The following ELAPOR2 variants were observed in gnomAD, a reference collection of about 807,000 sequenced individuals.
ELAPOR2 encodes the protein endosome/lysosome-associated apoptosis and autophagy regulator family member 2.
Under a neutral mutation model 120.7 loss-of-function variants are expected in ELAPOR2, and 89 were observed. That is an observed-to-expected ratio of 0.74 (90% CI 0.62 to 0.88). The LOEUF is 0.88. ELAPOR2 is among the 40% of genes least tolerant of loss of function. The probability of loss-of-function intolerance (pLI) is 0.00; values close to 1 mark genes in which losing one functional copy is unlikely to be tolerated. For synonymous variants in ELAPOR2, 444 were observed against 444.9 expected, an observed-to-expected ratio of 1.00 and a Z score of 0.03; for missense variants, 1,134 against 1,251.6, an observed-to-expected ratio of 0.91 and a Z score of 1.42.
chr7:86,936,577 T>C lies in ELAPOR2; in HGVS notation c.1089+1549A>G, dbSNP rs917953056. ...TTAAAAAAACACTGAGTTTATAAAG[T>C]ACTAGCACATTGTTTTCTTCTATAC... On this transcript the variant is annotated intron_variant, in intron 8 of 21. Transcript: ENST00000450689. Among the ~76,000 whole-genome samples, 15 of 152,238 alleles carry C rather than the reference T, an allele frequency of 9.9e-5. 1 individual carries two copies. The highest frequency in any genetic ancestry group is 3.6e-4 in the African/African-American group (15 of 41,566).
chr7:86,884,810 G>C (rs1434057061), intron 21 of ELAPOR2, among the ~76,000 whole-genome samples: 1 of 152,164 alleles, frequency 6.6e-6, no homozygotes, highest in Non-Finnish European at 1.5e-5. Flanking sequence ...TGTTTGGTAA[G>C]CAATTCAGAA....
intron 2 of ELAPOR2, among the ~76,000 whole-genome samples, chr7:86,950,372 C>T (rs893108223): frequency 2.0e-5 from 3 of 152,178 alleles, no homozygotes; most frequent in African/African-American, 4.8e-5. Flanking sequence ...TTGCAGGTGA[C>T]AAGAAGGAGA....
intron 16 of ELAPOR2, 23 bp from the exon 17 acceptor site, chr7:86,908,566 C>A (rs966893659): frequency 9.0e-7 from 1 of 1,112,274 alleles, no homozygotes; most frequent in African/African-American, 1.6e-5. Flanking sequence ...TAAAAAGAAA[C>A]TATTAAGCAA....
rs1333005614 is a variant in ELAPOR2 at position 86,876,952 on chromosome 7, T to C, written c.*3519A>G. On this transcript the variant is annotated 3_prime_UTR_variant, in exon 22 of 22. Coordinates refer to ENST00000450689, the MANE Select transcript of ELAPOR2 (RefSeq NM_001142749.3). ...TTTTATTGGAATGCAGCCACGCCCA[T>C]CCATTTACATTTTGTATGTGGTTGC... 6.6e-6 allele frequency: 1 copy of C among 152,172 alleles called. No individual in the cohort carries two copies. The highest frequency in any genetic ancestry group is 2.4e-5 in the African/African-American group (1 of 41,444). 9.4% of individuals were successfully genotyped at this position (152,172 alleles called of 1,614,324 possible).
At chr7:87,018,789 G>A (rs981633410) in intron 1 of ELAPOR2, among the ~76,000 whole-genome samples, 4 of 152,132 alleles carry the variant, frequency 2.6e-5, no homozygotes, top group South Asian at 2.1e-4. Context: ...CTGAGCTTAC[G>A]GTTCAAATTC....
At chr7:86,946,333 T>A (rs951329701) in intron 3 of ELAPOR2, among the ~76,000 whole-genome samples, 1 of 152,202 alleles carries the variant, frequency 6.6e-6, no homozygotes, top group African/African-American at 2.4e-5. Flanking sequence ...AAGCTCAGAC[T>A]TTTTAGAAAG....
In ELAPOR2 at chr7:86,913,256, A is replaced by G. The variant is rs1297001859; in HGVS notation, c.1732-52T>C. 7 of 1,570,464 alleles carry G rather than the reference A, an allele frequency of 4.5e-6. No homozygotes were observed. In the Admixed American group the frequency reaches 6.8e-5, roughly 15 times the overall value. On this transcript the variant is annotated intron_variant, in intron 13 of 21. Transcript: ENST00000450689. ...CTTCTGCCTTGGGGCTTAGTTGTAC[A>G]ACCAGATTATGTCTTCTGTTGACAT...
At position 86,880,541 on chromosome 7, in the gene ELAPOR2, A is replaced by G; in HGVS notation, c.3031-11T>C. 1 of 1,547,216 alleles carries G rather than the reference A, an allele frequency of 6.5e-7. No individual in the cohort carries two copies. Among genetic ancestry groups the G allele is most frequent in the Non-Finnish European group, 8.9e-7 (1 of 1,121,002 alleles). On this transcript the variant is annotated splice_polypyrimidine_tract_variant and intron_variant, in intron 21 of 21. Coordinates refer to ENST00000450689, the MANE Select transcript of ELAPOR2 (RefSeq NM_001142749.3). ...ATGGTCTTCTTTTTCCTAAGAAAAA[A>G]TATTAAAGACAAAATCAACTCACTG...
At chr7:86,992,577 G>T (rs1792979427) in intron 1 of ELAPOR2, among the ~76,000 whole-genome samples, 1 of 151,992 alleles carries the variant, frequency 6.6e-6, no homozygotes, top group African/African-American at 2.4e-5. Flanking sequence ...AAATAAAATG[G>T]ATATTTATCA....
At chr7:86,899,339 A>C (rs1191808666) in intron 18 of ELAPOR2, among the ~76,000 whole-genome samples, 1 of 152,112 alleles carries the variant, frequency 6.6e-6, no homozygotes, top group African/African-American at 2.4e-5. Context: ...GAGGAATTTA[A>C]ATTTGTCTAC....
chr7:86,981,683 T>G (rs965358614), intron 1 of ELAPOR2, among the ~76,000 whole-genome samples: 1 of 152,194 alleles, frequency 6.6e-6, no homozygotes, highest in African/African-American at 2.4e-5. Flanking sequence ...TCCCTTACTT[T>G]CTTCAGTTCC....
At chr7:87,018,427 C>T (rs1321031835) in intron 1 of ELAPOR2, among the ~76,000 whole-genome samples, 1 of 152,142 alleles carries the variant, frequency 6.6e-6, no homozygotes, top group Non-Finnish European at 1.5e-5. Flanking sequence ...ACTTATTTCC[C>T]TGACATGTAG....
At chr7:87,019,972 A>G (rs966604702) in intron 1 of ELAPOR2, among the ~76,000 whole-genome samples, 6 of 152,200 alleles carry the variant, frequency 3.9e-5, no homozygotes, top group African/African-American at 1.2e-4. Flanking sequence ...TTTTATACCA[A>G]TATAGCATAT....
intron 2 of ELAPOR2, among the ~76,000 whole-genome samples, chr7:86,954,915 TACTC>T (rs1294317279): frequency 4.6e-5 from 7 of 152,158 alleles, no homozygotes; most frequent in Non-Finnish European, 1.0e-4. Flanking sequence ...TTCTTACTAT[TACTC>T]ACTGCCATTA....
intron 21 of ELAPOR2, among the ~76,000 whole-genome samples, chr7:86,888,071 T>C (rs945236384): frequency 1.3e-5 from 2 of 151,972 alleles, no homozygotes; most frequent in Admixed American, 1.3e-4. Flanking sequence ...CAAATATAAT[T>C]CTGGTTTAAC....
Position 86,914,968 on chromosome 7 carries a change from T to C in ELAPOR2, c.1594-108A>G, listed in dbSNP as rs541718102. The C allele has an allele frequency of 5.5e-6, 5 of 903,782 alleles. No individual in the cohort carries two copies. In the East Asian group the frequency reaches 1.4e-4, roughly 25 times the overall value. 56.0% of individuals were successfully genotyped at this position (903,782 alleles called of 1,614,324 possible). A position where few individuals can be genotyped will look rare whatever the true frequency, so the allele number is the denominator to read the frequency against. On this transcript the variant is annotated intron_variant, in intron 12 of 21. Coordinates refer to ENST00000450689, the MANE Select transcript of ELAPOR2 (RefSeq NM_001142749.3). ...ATATTTAAAGTAAACCCATTACAGTTTATGACTATTTACAAACAGAGCATG... is the reference window on the plus strand; with the variant it reads ...ATATTTAAAGTAAACCCATTACAGTCTATGACTATTTACAAACAGAGCATG...
At chr7:87,035,110 G>T (rs547619551) in intron 1 of ELAPOR2, among the ~76,000 whole-genome samples, 1 of 151,618 alleles carries the variant, frequency 6.6e-6, no homozygotes, top group East Asian at 1.9e-4. Context: ...AAAAAATTGT[G>T]TGCTAGCTAC....
rs187591389 is a variant in ELAPOR2, at chr7:86,986,518, C to A, written c.190-21494G>T. ...TCAGCAAAGTCTCAGGATACAAAAT[C>A]AACGTGCAAAAATCACAGGCATTCC... On this transcript the variant is annotated intron_variant, in intron 1 of 21. Coordinates refer to ENST00000450689, the MANE Select transcript of ELAPOR2 (RefSeq NM_001142749.3). 3.5e-3 allele frequency among the ~76,000 whole-genome samples: 512 copies of A among 144,948 alleles called. 4 individuals are homozygous for A. The highest frequency in any genetic ancestry group is 9.8e-3 in the African/African-American group (367 of 37,436).
At chr7:86,932,114 T>C (rs1790355619) in intron 8 of ELAPOR2, among the ~76,000 whole-genome samples, 1 of 151,838 alleles carries the variant, frequency 6.6e-6, no homozygotes, top group East Asian at 1.9e-4. Context: ...ATCAGAGTCT[T>C]TTCCGAAGCT....
Sources: allele counts gnomAD v4.1 joint callset (sites outside exome capture counted in the v4.1 genomes callset), GRCh38; gene constraint gnomAD v4.1.1; transcripts MANE v1.5; gene names NCBI Gene and HGNC (gene_info 2026-07-23, HGNC 2026-07-21).